The following TPRA1 variants were observed in gnomAD, a reference collection of about 807,000 sequenced individuals.
TPRA1 encodes transmembrane protein adipocyte-associated 1.
Under a neutral mutation model 40.1 loss-of-function variants are expected in TPRA1, and 28 were observed. The observed-to-expected ratio is 0.70, with a 90% CI of 0.52 to 0.96. The LOEUF (loss-of-function observed/expected upper bound fraction) is 0.96. Among genes scored for constraint, TPRA1 ranks in the 40% least tolerant of loss-of-function variants. The pLI is 0.00. For synonymous variants in TPRA1, 219 were observed against 209.7 expected (o/e 1.04, Z -0.38); for missense variants, 441 against 482.6 (o/e 0.91, Z 0.81).
At position 127,575,198 on chromosome 3, in the gene TPRA1, G is replaced by C; in HGVS notation, c.841C>G (p.Arg281Gly). The C allele has an allele frequency of 6.2e-7, 1 of 1,613,936 alleles. No homozygotes were observed. The change falls in exon 10 of 11, where the codon CGG becomes GGG. Residue 281 changes from arginine (R) to glycine (G), a missense_variant. Arg to Gly is a moderately radical substitution (Grantham distance 125). Coordinates refer to ENST00000355552, the MANE Select transcript of TPRA1 (RefSeq NM_001136053.4). ...FAPLIYVAFL[R>G]GFFGSEPKIL... ...CCACAGACTCACCCGAAGAAGCCCCGGAGGAAAGCCACGTAGATGAGCGGA... is the reference window on the plus strand; with the variant it reads ...CCACAGACTCACCCGAAGAAGCCCCCGAGGAAAGCCACGTAGATGAGCGGA...
At chr3:127,577,180 G>A (rs1017153380) in intron 3 of TPRA1, 104 bp from the exon 4 acceptor site, 14 of 1,237,150 alleles carry the variant, frequency 1.1e-5, no homozygotes, top group Non-Finnish European at 1.3e-5. Context: ...GATTCCTGAG[G>A]TCGGAAAGGA....
chr3:127,576,075 G>A lies in TPRA1; in HGVS notation c.499-25C>T. ...CCTGCAGGGGCAAGCAGGAAGGGAG[G>A]AAGGGAGAGGATCTCAAGGCTTCTC... On this transcript the variant is annotated intron_variant, in intron 6 of 10. Transcript: ENST00000355552. The surrounding 1 kb of genome is among the most constrained non-coding windows in gnomAD (Gnocchi z 4.6). 6.4e-7 allele frequency: 1 copy of A among 1,567,574 alleles called. No homozygotes were observed. Among genetic ancestry groups the A allele is most frequent in the Non-Finnish European group, 8.8e-7 (1 of 1,139,058 alleles).
At chr3:127,579,700 C>T in intron 3 of TPRA1, 40 bp downstream of exon 3, 1 of 1,607,266 alleles carries the variant, frequency 6.2e-7, no homozygotes, top group Non-Finnish European at 8.5e-7. Context: ...TTGTTTAACC[C>T]AGTTGGAGTT....
In TPRA1 at chr3:127,573,035, C is replaced by T. The variant is rs60649795; in HGVS notation, c.*486G>A. The T allele has an allele frequency of 0.028, 4,234 of 152,522 alleles. 140 individuals carry two copies. The highest frequency in any genetic ancestry group is 0.081 in the African/African-American group (3,384 of 41,542). The allele number at this position is 152,522 out of a possible 1,614,324, so 9.4% of individuals were successfully genotyped here. A position where few individuals can be genotyped will look rare whatever the true frequency, so the allele number is the denominator to read the frequency against. Reference sequence around the variant, plus strand: ...CCTCAGGCTCCTGAAAGGAACCAGCCCCAGTATTCCTGCAAAACCTCCACA... The same window carrying T: ...CCTCAGGCTCCTGAAAGGAACCAGCTCCAGTATTCCTGCAAAACCTCCACA... On this transcript the variant is annotated 3_prime_UTR_variant, in exon 11 of 11. Transcript: ENST00000355552.
chr3:127,579,797 A>T lies in TPRA1; in HGVS notation c.201T>A (p.Ser67=), dbSNP rs1194776511. 1 of 1,614,170 alleles carries T rather than the reference A, an allele frequency of 6.2e-7. No individual in the cohort carries two copies. Among genetic ancestry groups the T allele is most frequent in the Non-Finnish European group, 8.5e-7 (1 of 1,180,028 alleles). ...AGGTGATGCGGATCTTCGCCCGAGC[A>T]GATGGAAGCTTCCAGAGCAGGAAGA... is the stretch of plus-strand genomic sequence containing the variant. The part of the protein sequence containing the change: ...FLIFLLWKLP[S]ARAKIRITSS... The change falls in exon 3 of 11, where the codon TCT becomes TCA. Residue 67 remains serine (S), a synonymous_variant. Transcript: ENST00000355552.
intron 1 of TPRA1, among the ~76,000 whole-genome samples, 153 bp downstream of exon 1, chr3:127,590,257 C>A (rs1259586452): frequency 1.3e-5 from 2 of 152,304 alleles, no homozygotes; most frequent in East Asian, 3.9e-4. Context: ...GCCTTCCCTC[C>A]CAAACGCCGC....
At chr3:127,594,176 C>T (rs1481693760), upstream of TPRA1, among the ~76,000 whole-genome samples, 1 of 152,228 alleles carries the variant, frequency 6.6e-6, no homozygotes, top group African/African-American at 2.4e-5. Context: ...GTGTGGGGCA[C>T]ACCAGAACAT....
At chr3:127,575,058 A>C in intron 10 of TPRA1, 127 bp downstream of exon 10, 3 of 989,638 alleles carry the variant, frequency 3.0e-6, no homozygotes, top group Non-Finnish European at 4.6e-6. Flanking sequence ...AAGTGCATGT[A>C]TGTATGTGCG....
intron 1 of TPRA1, among the ~76,000 whole-genome samples, chr3:127,582,486 C>T (rs186314111): frequency 1.8e-3 from 268 of 150,322 alleles, no homozygotes; most frequent in African/African-American, 5.9e-3. Context: ...GAATCACTTG[C>T]GGTCAGGAGT....
At chr3:127,586,601 C>T (rs2074009334) in intron 1 of TPRA1, among the ~76,000 whole-genome samples, 1 of 152,210 alleles carries the variant, frequency 6.6e-6, no homozygotes, top group Non-Finnish European at 1.5e-5. Flanking sequence ...TCAAGTGATC[C>T]ACCTGCCTGA....
upstream of TPRA1, among the ~76,000 whole-genome samples, chr3:127,592,816 G>C (rs907563097): frequency 2.6e-5 from 4 of 152,234 alleles, no homozygotes; most frequent in Non-Finnish European, 4.4e-5. Flanking sequence ...TGACGTAACT[G>C]CTACGTTGTA....
rs757077118 is a variant in TPRA1, at chr3:127,580,090, G to C, written c.57C>G (p.Pro19=). The C allele has an allele frequency of 6.2e-7, 1 of 1,613,880 alleles. No individual in the cohort carries two copies. Among genetic ancestry groups the C allele is most frequent in the African/African-American group, 1.3e-5 (1 of 75,046 alleles). ...GAGGCACACTGATGTTTGGTGCCAG[G>C]GGTGGGGGTAGCGCTGTGCTCCCAT... is the stretch of plus-strand genomic sequence containing the variant. ...WANGSTALPP[P]LAPNISVPHR... The change falls in exon 2 of 11, where the codon CCC becomes CCG. Residue 19 remains proline, a synonymous_variant. Coordinates refer to ENST00000355552, the MANE Select transcript of TPRA1 (RefSeq NM_001136053.4).
upstream of TPRA1, among the ~76,000 whole-genome samples, chr3:127,592,250 G>T (rs374622804): frequency 6.6e-6 from 1 of 151,870 alleles, no homozygotes; most frequent in African/African-American, 2.4e-5. Context: ...CCAGGAAGTA[G>T]AAGTCATGGG....
intron 3 of TPRA1, among the ~76,000 whole-genome samples, 189 bp from the exon 4 acceptor site, chr3:127,577,265 C>T (rs542629402): frequency 3.3e-5 from 5 of 152,194 alleles, no homozygotes; most frequent in Non-Finnish European, 7.3e-5. Flanking sequence ...GAGTTGCAGA[C>T]CCTCAACTGC....
intron 1 of TPRA1, among the ~76,000 whole-genome samples, chr3:127,589,881 G>A (rs1022820864): frequency 6.6e-6 from 1 of 152,236 alleles, no homozygotes; most frequent in African/African-American, 2.4e-5. Context: ...CTGGGGACTG[G>A]ACGACCCTGC....
chr3:127,584,082 A>G (rs75829886), intron 1 of TPRA1, among the ~76,000 whole-genome samples: 129 of 151,954 alleles, frequency 8.5e-4, no homozygotes, highest in African/African-American at 3.0e-3. Flanking sequence ...CTGCCCTCAC[A>G]GCAAGGTGAA....
upstream of TPRA1, chr3:127,598,226 GAGCGCACGCGCAC>G: frequency 1.0e-5 from 6 of 600,880 alleles, no homozygotes; most frequent in Non-Finnish European, 1.5e-5. Flanking sequence ...CAGCGCAGGC[GAGCGCACGCGCAC>G]AGCGCCGGGC....
chr3:127,572,560 G>A lies in TPRA1; in HGVS notation c.*961C>T, dbSNP rs534991302. Among the ~76,000 whole-genome samples, 33 of 152,248 alleles carry A rather than the reference G, an allele frequency of 2.2e-4. No homozygotes were observed. Among genetic ancestry groups the A allele is most frequent in the African/African-American group, 7.9e-4 (33 of 41,520 alleles). On this transcript the variant is annotated 3_prime_UTR_variant, in exon 11 of 11. Coordinates refer to ENST00000355552, the MANE Select transcript of TPRA1 (RefSeq NM_001136053.4). The stretch of plus-strand genomic sequence containing the variant: ...ATCCTTATGACAAACATCAGTCCCC[G>A]AGTCCTGTCTGCTGGGGGCCTACTA...
intron 1 of TPRA1, among the ~76,000 whole-genome samples, chr3:127,581,019 G>A (rs184438446): frequency 1.2e-4 from 19 of 152,320 alleles, no homozygotes; most frequent in African/African-American, 4.6e-4. Context: ...GAGAGCTGGT[G>A]GTCTGGGGTC....
Sources: allele counts gnomAD v4.1 joint callset (sites outside exome capture counted in the v4.1 genomes callset), GRCh38; gene constraint gnomAD v4.1.1; non-coding constraint Gnocchi (gnomAD v3.1); transcripts MANE v1.5; gene names NCBI Gene and HGNC (gene_info 2026-07-23, HGNC 2026-07-21).